Variants in ZNF83 observed in about 807,000 individuals in gnomAD.
The protein encoded by ZNF83 is zinc finger protein 816B.
For missense variants in ZNF83, 552 were observed against 629.9 expected (o/e 0.88, Z 1.32); for synonymous variants, 209 against 213.0 (o/e 0.98, Z 0.17).
At chr19:52,640,913 T>C (rs946323017), upstream of ZNF83, among the ~76,000 whole-genome samples, 1 of 152,070 alleles carries the variant, frequency 6.6e-6, no homozygotes, top group Non-Finnish European at 1.5e-5. Context: ...ATATTAGGGG[T>C]AATATCACGG....
intron 1 of ZNF83, among the ~76,000 whole-genome samples, chr19:52,690,182 G>GAAAAA (rs35717855): frequency 5.3e-5 from 7 of 132,180 alleles, no homozygotes; most frequent in Admixed American, 7.8e-5. Context: ...ATGATTTTGA[G>GAAAAA]AAAAAAAAAA....
intron 3 of ZNF83, chr19:52,651,382 G>C (rs931773486): frequency 5.9e-5 from 9 of 152,180 alleles, no homozygotes; most frequent in Admixed American, 2.6e-4. Context: ...TAACTTGTTT[G>C]GCCAAATTCT....
At chr19:52,621,560 A>G (rs1300462650) in intron 2 of ZNF83, among the ~76,000 whole-genome samples, 1 of 150,620 alleles carries the variant, frequency 6.6e-6, no homozygotes, top group Non-Finnish European at 1.5e-5. Flanking sequence ...GGCAAGTACC[A>G]TTTCCTCTTT....
intron 3 of ZNF83, chr19:52,654,426 G>T: frequency 2.1e-6 from 2 of 952,288 alleles, no homozygotes; most frequent in South Asian, 2.3e-5. Context: ...AAGACCAATA[G>T]GTTTCCAATT....
chr19:52,647,028 G>A (rs958675120), intron 3 of ZNF83, among the ~76,000 whole-genome samples: 2 of 152,282 alleles, frequency 1.3e-5, no homozygotes, highest in African/African-American at 4.8e-5. Context: ...AGTCCACTGA[G>A]CTGGTGTGCA....
chr19:52,645,865 A>C (rs1026801729), intron 3 of ZNF83, among the ~76,000 whole-genome samples: 1 of 152,084 alleles, frequency 6.6e-6, no homozygotes, highest in Middle Eastern at 3.2e-3. Flanking sequence ...CAGAAAAAAA[A>C]ATAAAGTAAA....
Position 52,675,399 on chromosome 19 carries a change from T to C in ZNF83, c.-282-14556A>G, listed in dbSNP as rs1226860496. Among the ~76,000 whole-genome samples, 6 of 152,172 alleles carry C rather than the reference T, an allele frequency of 3.9e-5. No homozygotes were observed. The South Asian group carries it at 1.0e-3, about 26-fold the overall frequency. ...CAGAAAATACAAGAACAGAAAGAAA[T>C]ATATCAAGGGGGATACAAGGGCTGA... is the stretch of plus-strand genomic sequence containing the variant. On this transcript the variant is annotated intron_variant, in intron 1 of 5. Transcript: ENST00000594682.
At chr19:52,622,506 CAAG>C (rs1041173798) in intron 2 of ZNF83, among the ~76,000 whole-genome samples, 1 of 152,102 alleles carries the variant, frequency 6.6e-6, no homozygotes, top group Admixed American at 6.5e-5. Context: ...GGTAGTTCCC[CAAG>C]AAGATCCCTA....
At chr19:52,677,106 C>G in intron 1 of ZNF83, among the ~76,000 whole-genome samples, 1 of 123,450 alleles carries the variant, frequency 8.1e-6, no homozygotes, top group Non-Finnish European at 1.6e-5. Context: ...CTGTGAGAAA[C>G]ACCCAAGAAT....
chr19:52,671,414 T>A lies in ZNF83; in HGVS notation c.-282-10571A>T, dbSNP rs541163530. On this transcript the variant is annotated intron_variant, in intron 1 of 5. Transcript: ENST00000594682. ...TCACTCTATGTGCCTTCTGAAAAAA[T>A]TAGAAAATGTACCTTTTATCTTCAA... is the stretch of plus-strand genomic sequence containing the variant. Among the ~76,000 whole-genome samples the A allele has an allele frequency of 3.3e-5, 5 of 152,310 alleles. No homozygotes were observed. The East Asian group carries it at 9.6e-4, about 29-fold the overall frequency.
At chr19:52,631,188 T>C (rs2060945384) in intron 2 of ZNF83, among the ~76,000 whole-genome samples, 1 of 150,494 alleles carries the variant, frequency 6.6e-6, no homozygotes, top group African/African-American at 2.4e-5. Flanking sequence ...AATTTCTTCC[T>C]CATCTGTTAC....
intron 2 of ZNF83, among the ~76,000 whole-genome samples, chr19:52,660,195 T>A (rs1725704132): frequency 6.6e-6 from 1 of 152,158 alleles, no homozygotes; most frequent in Admixed American, 6.5e-5. Context: ...TGCATAGTCT[T>A]AGTCAGAGAG....
At chr19:52,613,178 C>T (rs762476438) in exon 3 of ZNF83, 1 of 1,614,090 alleles carries the variant, frequency 6.2e-7, no homozygotes, top group Non-Finnish European at 8.5e-7. Flanking sequence ...AAAGCTTTGC[C>T]ACATTCATTA....
intron 2 of ZNF83, among the ~76,000 whole-genome samples, chr19:52,659,595 C>G (rs8103286): frequency 0.72 from 103,918 of 144,026 alleles, 37,566 homozygotes; most frequent in Admixed American, 0.79. Context: ...AATACCTCAA[C>G]AGAGCAAGAC....
At chr19:52,623,692 C>G (rs2060630484) in intron 2 of ZNF83, among the ~76,000 whole-genome samples, 1 of 152,068 alleles carries the variant, frequency 6.6e-6, no homozygotes, top group African/African-American at 2.4e-5. Flanking sequence ...ACACCCATAC[C>G]TAATCACCCT....
At chr19:52,634,627 G>C (rs6509657) in intron 2 of ZNF83, among the ~76,000 whole-genome samples, 15,922 of 152,134 alleles carry the variant, frequency 0.1, 960 homozygotes, top group African/African-American at 0.16. Flanking sequence ...TATAAAATCA[G>C]GGAGAAAAGA....
chr19:52,641,220 T>G (rs1251173823), upstream of ZNF83, among the ~76,000 whole-genome samples: 1 of 152,150 alleles, frequency 6.6e-6, no homozygotes, highest in Non-Finnish European at 1.5e-5. Flanking sequence ...GGTTCCTGCT[T>G]AAGTTTATAC....
At chr19:52,629,636 A>G (rs552531370) in intron 2 of ZNF83, among the ~76,000 whole-genome samples, 33 of 152,326 alleles carry the variant, frequency 2.2e-4, no homozygotes, top group Non-Finnish European at 4.6e-4. Context: ...AGGCATAGTC[A>G]AGGTTAATGC....
At chr19:52,633,096 C>G (rs1359099572) in intron 2 of ZNF83, among the ~76,000 whole-genome samples, 1 of 152,214 alleles carries the variant, frequency 6.6e-6, no homozygotes, top group Non-Finnish European at 1.5e-5. Flanking sequence ...GTGACCTGCA[C>G]ATACACATCC....
Sources: allele counts gnomAD v4.1 joint callset (sites outside exome capture counted in the v4.1 genomes callset), GRCh38; gene constraint gnomAD v4.1.1; transcripts MANE v1.5; gene names NCBI Gene and HGNC (gene_info 2026-07-23, HGNC 2026-07-21).